The following CASD1 variants were observed in gnomAD, a reference collection of about 807,000 sequenced individuals.
CASD1 encodes the protein CAS1 domain sialic acid O acetyltransferase 1.
A neutral mutation model predicts 100.0 loss-of-function variants in CASD1; 41 were observed. The ratio of observed to expected loss-of-function variants is 0.41; its 90% CI spans 0.32 to 0.53. The LOEUF (loss-of-function observed/expected upper bound fraction) is 0.53, where lower values mean the gene tolerates loss of function less well. CASD1 is among the 20% of genes least tolerant of loss of function. The pLI is 0.25. For missense variants in CASD1, 774 were observed against 948.7 expected, an observed-to-expected ratio of 0.82 and a Z score of 2.42; for synonymous variants, 321 against 315.6, an observed-to-expected ratio of 1.02 and a Z score of -0.18.
the CASD1 span, among the ~76,000 whole-genome samples, chr7:94,580,757 C>A: frequency 6.6e-6 from 1 of 152,342 alleles, no homozygotes; most frequent in African/African-American, 2.4e-5. Flanking sequence ...CCTGCCCTAC[C>A]CTTTTGCTCA....
chr7:94,607,402 T>A, the CASD1 span, among the ~76,000 whole-genome samples: 1 of 152,022 alleles, frequency 6.6e-6, no homozygotes, highest in Non-Finnish European at 1.5e-5. Flanking sequence ...GCAAAAATCC[T>A]CAACAAAATA....
Position 94,518,376 on chromosome 7 carries a change from A to G in CASD1, c.351+53A>G, listed in dbSNP as rs200018021. 199 of 1,456,572 alleles carry G rather than the reference A, an allele frequency of 1.4e-4. 2 individuals carry two copies. In the Admixed American group the frequency reaches 4.7e-3, roughly 34 times the overall value. 90.2% of individuals were successfully genotyped at this position (1,456,572 alleles called of 1,614,324 possible). A position where few individuals can be genotyped will look rare whatever the true frequency, so the allele number is the denominator to read the frequency against. ...AGTGTTTTAGAAGTTAACCAACTGAATAGTTACAGGAGGAGTGTGTCTCTC... is the reference window on the plus strand; with the variant it reads ...AGTGTTTTAGAAGTTAACCAACTGAGTAGTTACAGGAGGAGTGTGTCTCTC... On this transcript the variant is annotated intron_variant, in intron 3 of 17. Transcript: ENST00000297273.
chr7:94,546,760 A>C (rs1264917351), intron 12 of CASD1, among the ~76,000 whole-genome samples: 1 of 151,930 alleles, frequency 6.6e-6, no homozygotes, highest in Non-Finnish European at 1.5e-5. Context: ...TGTTAGAATT[A>C]TATTGAACAT....
chr7:94,509,961 A>C lies in CASD1; in HGVS notation c.-124A>C. ...GGTCAGGTTCCCCGGCGGGAGGCGC[A>C]GGTGGCGGCCTGGGGAGCTGGCGGC... On this transcript the variant is annotated 5_prime_UTR_variant, in exon 1 of 18. Coordinates refer to ENST00000297273, the MANE Select transcript of CASD1 (RefSeq NM_022900.5). 1 of 1,207,406 alleles carries C rather than the reference A, an allele frequency of 8.3e-7. No homozygotes were observed. Among genetic ancestry groups the C allele is most frequent in the East Asian group, 3.5e-5 (1 of 28,350 alleles). 74.8% of individuals were successfully genotyped at this position (1,207,406 alleles called of 1,614,324 possible).
At chr7:94,571,653 TAGTTA>T in the CASD1 span, among the ~76,000 whole-genome samples, 1 of 152,032 alleles carries the variant, frequency 6.6e-6, no homozygotes, top group Non-Finnish European at 1.5e-5. Context: ...CTTAGATACG[TAGTTA>T]AAGATATTTC....
intron 3 of CASD1, among the ~76,000 whole-genome samples, chr7:94,524,441 A>G (rs1178928760): frequency 1.3e-5 from 2 of 152,106 alleles, no homozygotes; most frequent in Non-Finnish European, 2.9e-5. Context: ...TTTTTTTTAT[A>G]CCTACTATAA....
chr7:94,545,380 G>A (rs896900046), intron 11 of CASD1, among the ~76,000 whole-genome samples, 165 bp from the exon 12 acceptor site: 17 of 152,048 alleles, frequency 1.1e-4, no homozygotes, highest in Non-Finnish European at 4.4e-5. Context: ...TACAGTGAAT[G>A]TAAAACAAAT....
intron 10 of CASD1, among the ~76,000 whole-genome samples, chr7:94,541,805 T>C (rs1223162003): frequency 2.0e-5 from 3 of 152,074 alleles, no homozygotes; most frequent in Non-Finnish European, 4.4e-5. Flanking sequence ...ATTTCTTGGG[T>C]ATGGTAATGA....
At chr7:94,551,195 A>T in intron 14 of CASD1, 143 bp from the exon 15 acceptor site, 1 of 480,694 alleles carries the variant, frequency 2.1e-6, no homozygotes, top group Non-Finnish European at 3.5e-6. Flanking sequence ...TTGAAGTTTC[A>T]CTCTTGAAGT....
At chr7:94,620,095 A>G in the CASD1 span, 1 of 152,312 alleles carries the variant, frequency 6.6e-6, no homozygotes, top group African/African-American at 2.4e-5. Flanking sequence ...ATTTATTTCA[A>G]TAAAATTCAT....
Position 94,518,235 on chromosome 7 carries a change from T to C in CASD1, c.263T>C (p.Ile88Thr), listed in dbSNP as rs1346377051. 6.4e-6 allele frequency: 10 copies of C among 1,570,376 alleles called. No individual in the cohort carries two copies. Among genetic ancestry groups the C allele is most frequent in the Non-Finnish European group, 8.6e-6 (10 of 1,163,812 alleles). Residue 88 changes from isoleucine (I) to threonine (T), a missense_variant, in exon 3 of 18, where the codon ATT (isoleucine) becomes ACT (threonine). By Grantham distance (89) the Ile-to-Thr change is moderately conservative. Transcript: ENST00000297273. ...EAKNCLVDKHIAFIGDSRIRQ... is the reference protein window; with the variant it reads ...EAKNCLVDKHTAFIGDSRIRQ... The stretch of plus-strand genomic sequence containing the variant: ...AAGAACTGCCTTGTAGATAAACATA[T>C]TGCATTTATTGGAGATTCCAGAATT...
the CASD1 span, among the ~76,000 whole-genome samples, chr7:94,616,025 T>G: frequency 6.6e-6 from 1 of 152,212 alleles, no homozygotes; most frequent in African/African-American, 2.4e-5. Context: ...AGGAGCTTAT[T>G]CACTTTGAAG....
intron 14 of CASD1, among the ~76,000 whole-genome samples, chr7:94,549,957 A>G (rs1339873927): frequency 6.6e-6 from 1 of 152,124 alleles, no homozygotes; most frequent in Non-Finnish European, 1.5e-5. Context: ...ATTGAGTTTC[A>G]ATATGTGCCC....
At chr7:94,540,750 A>T (rs1795353597) in intron 10 of CASD1, among the ~76,000 whole-genome samples, 1 of 152,202 alleles carries the variant, frequency 6.6e-6, no homozygotes, top group African/African-American at 2.4e-5. Context: ...AGAAGTATGT[A>T]GACATGAAAA....
At chr7:94,620,516 A>C in the CASD1 span, 1 of 152,204 alleles carries the variant, frequency 6.6e-6, no homozygotes, top group Non-Finnish European at 1.5e-5. Flanking sequence ...ATTTATCTGC[A>C]TACCTAGAAA....
chr7:94,577,259 A>G, the CASD1 span, among the ~76,000 whole-genome samples: 3 of 152,132 alleles, frequency 2.0e-5, no homozygotes, highest in Non-Finnish European at 4.4e-5. Context: ...TCTTTTAAAT[A>G]ATATGGTGGT....
At chr7:94,623,748 CAA>C in the CASD1 span, 3 of 390,904 alleles carry the variant, frequency 7.7e-6, no homozygotes, top group East Asian at 1.1e-4. Flanking sequence ...AAAAAAAAAA[CAA>C]TAATTTTTGT....
In CASD1 at chr7:94,544,495, A is replaced by G. The variant is rs1009023567; in HGVS notation, c.1441A>G (p.Ile481Val). Residue 481 changes from isoleucine to valine, a missense_variant, in exon 11 of 18, where the codon ATA (isoleucine) becomes GTA (valine). Physicochemically the swap from Ile to Val is conservative, Grantham distance 29. Coordinates refer to ENST00000297273, the MANE Select transcript of CASD1 (RefSeq NM_022900.5). Reference protein sequence around the residue: ...TGYGHFSYFWIKGDFGIYRVC... With the variant: ...TGYGHFSYFWVKGDFGIYRVC... Reference sequence around the variant, plus strand: ...GTATGGGCATTTCTCATACTTTTGGATAAAAGGAGATTTTGGAATCTATAG... The same window carrying G: ...GTATGGGCATTTCTCATACTTTTGGGTAAAAGGAGATTTTGGAATCTATAG... The G allele has an allele frequency of 3.1e-6, 5 of 1,613,054 alleles. No individual in the cohort carries two copies. The highest frequency in any genetic ancestry group is 4.2e-6 in the Non-Finnish European group (5 of 1,179,444).
chr7:94,618,737 A>T, the CASD1 span: 1 of 1,591,022 alleles, frequency 6.3e-7, no homozygotes, highest in South Asian at 1.1e-5. Context: ...ATTTAAGGCA[A>T]TGAGATAAAG....
Sources: gnomAD v4.1 joint callset for allele counts (sites outside exome capture counted in the v4.1 genomes callset) on GRCh38, gnomAD v4.1.1 for gene constraint, MANE v1.5 for transcripts, NCBI Gene and HGNC (gene_info 2026-07-23, HGNC 2026-07-21) for gene names.